The following SLC30A2 variants were observed in gnomAD, a reference collection of about 807,000 sequenced individuals.
SLC30A2 encodes solute carrier family 30 member 2, also known as proton-coupled zinc antiporter SLC30A2.
SLC30A2 carries 19 observed loss-of-function variants against 39.6 expected under a neutral mutation model. The ratio of observed to expected loss-of-function variants is 0.48; its 90% CI spans 0.34 to 0.70. SLC30A2 has a LOEUF of 0.70. Ranked by LOEUF, SLC30A2 falls within the 30% of genes least tolerant of loss-of-function variation. The pLI is 0.01. For synonymous variants in SLC30A2, 195 were observed against 194.8 expected, an observed-to-expected ratio of 1.00 and a Z score of -0.01; for missense variants, 387 against 479.4, an observed-to-expected ratio of 0.81 and a Z score of 1.80.
Position 26,039,345 on chromosome 1 carries a change from C to G in SLC30A2, c.974-40G>C. 6.5e-7 allele frequency: 1 copy of G among 1,544,654 alleles called. No individual in the cohort carries two copies. The highest frequency in any genetic ancestry group is 8.9e-7 in the Non-Finnish European group (1 of 1,120,506). The stretch of plus-strand genomic sequence containing the variant: ...GACACAGCGGGGGAAGCCATTTACT[C>G]TGGCCCTTTGGAACCATCAGGAGCC... On this transcript the variant is annotated intron_variant, in intron 7 of 7. Coordinates refer to ENST00000374276, the MANE Select transcript of SLC30A2 (RefSeq NM_001004434.3). The surrounding 1 kb of genome is among the most constrained non-coding windows in gnomAD (Gnocchi z 4.3).
intron 6 of SLC30A2, 98 bp downstream of exon 6, chr1:26,041,602 C>A (rs2050398084): frequency 2.7e-6 from 2 of 746,230 alleles, no homozygotes; most frequent in Non-Finnish European, 4.6e-6. Context: ...TGGCTCCCCG[C>A]CCATGTGCTA....
chr1:26,042,093 G>A (rs760767357), intron 5 of SLC30A2, among the ~76,000 whole-genome samples: 7 of 152,190 alleles, frequency 4.6e-5, no homozygotes, highest in African/African-American at 1.7e-4. Context: ...TCCGCCATCC[G>A]TCCCCATTTG....
At chr1:26,041,462 G>A (rs1186110210) in intron 6 of SLC30A2, among the ~76,000 whole-genome samples, 2 of 152,188 alleles carry the variant, frequency 1.3e-5, no homozygotes, top group Non-Finnish European at 2.9e-5. Context: ...ACCCTTAGGG[G>A]TAGGGGGAAG....
At chr1:26,041,606 T>C (rs1569699309) in intron 6 of SLC30A2, 94 bp downstream of exon 6, 1 of 765,164 alleles carries the variant, frequency 1.3e-6, no homozygotes, top group South Asian at 1.6e-5. Context: ...TCCCCGCCCA[T>C]GTGCTAGGAT....
chr1:26,040,214 A>G (rs1050713304), intron 6 of SLC30A2, among the ~76,000 whole-genome samples: 1 of 152,080 alleles, frequency 6.6e-6, no homozygotes, highest in Non-Finnish European at 1.5e-5. Flanking sequence ...GGTGCCTAAA[A>G]CAGCACCTAC....
Position 26,037,539 on chromosome 1 carries a change from C to A in SLC30A2, c.*1621G>T, listed in dbSNP as rs2050353832. ...ATGAGCCACCGTGCCCAGCCAATGA[C>A]TGTCTCTTGAGAGGGGTGTAAGGAC... On this transcript the variant is annotated 3_prime_UTR_variant, in exon 8 of 8. Coordinates refer to ENST00000374276, the MANE Select transcript of SLC30A2 (RefSeq NM_001004434.3). The A allele has an allele frequency of 6.6e-6, 1 of 151,764 alleles. No individual in the cohort carries two copies. Among genetic ancestry groups the A allele is most frequent in the Non-Finnish European group, 1.5e-5 (1 of 68,032 alleles). 9.4% of individuals were successfully genotyped at this position (151,764 alleles called of 1,614,324 possible).
chr1:26,043,412 C>T lies in SLC30A2; in HGVS notation c.558G>A (p.Val186=), dbSNP rs752046088. 2 of 1,613,946 alleles carry T rather than the reference C, an allele frequency of 1.2e-6. No individual in the cohort carries two copies. The highest frequency in any genetic ancestry group is 8.5e-7 in the Non-Finnish European group (1 of 1,179,860). The change falls in exon 4 of 8, where the codon GTG becomes GTA. Residue 186 remains valine, a synonymous_variant. Transcript: ENST00000374276. ...GCCCCACTCACATGATGTTCACAGC[C>T]ACAGCGCAGCCCGACGTGATCAGCA... The part of the protein sequence containing the change: ...GTMLITSGCA[V]AVNIIMGLTL...
Position 26,038,539 on chromosome 1 carries a change from T to TCCTC in SLC30A2, c.*620_*621insGAGG, listed in dbSNP as rs2050363967. The TCCTC allele has an allele frequency of 6.6e-6, 1 of 152,280 alleles. No individual in the cohort carries two copies. The highest frequency in any genetic ancestry group is 2.4e-5 in the African/African-American group (1 of 41,466). 9.4% of individuals were successfully genotyped at this position (152,280 alleles called of 1,614,324 possible). On this transcript the variant is annotated 3_prime_UTR_variant, in exon 8 of 8. Transcript: ENST00000374276. ...CCTGTGCCAAAGTTGTTTTTTGTGT[T>TCCTC]GGCACAGCTGAGGAAATAAGGAAAG... is the stretch of plus-strand genomic sequence containing the variant.
chr1:26,041,278 C>T (rs1007481189), intron 6 of SLC30A2, among the ~76,000 whole-genome samples: 3 of 152,160 alleles, frequency 2.0e-5, no homozygotes, highest in African/African-American at 7.2e-5. Flanking sequence ...CCAAGGCTGA[C>T]TGTCCTTCTC....
chr1:26,044,498 G>A, intron 2 of SLC30A2, 54 bp from the exon 3 acceptor site: 1 of 1,567,116 alleles, frequency 6.4e-7, no homozygotes, highest in Non-Finnish European at 8.7e-7. Context: ...TCCCAAGACT[G>A]TGTGTGCAGC....
In SLC30A2 at chr1:26,046,090, G is replaced by A. The variant is rs2050461614; in HGVS notation, c.-194C>T. 1 of 1,308,528 alleles carries A rather than the reference G, an allele frequency of 7.6e-7. No homozygotes were observed. The highest frequency in any genetic ancestry group is 9.7e-7 in the Non-Finnish European group (1 of 1,034,948). The allele number at this position is 1,308,528 out of a possible 1,614,324, so 81.1% of individuals were successfully genotyped here. A position where few individuals can be genotyped will look rare whatever the true frequency, so the allele number is the denominator to read the frequency against. On this transcript the variant is annotated 5_prime_UTR_variant, in exon 1 of 8. Transcript: ENST00000374276. The surrounding 1 kb of genome is among the most constrained non-coding windows in gnomAD (Gnocchi z 4.4). ...CGGCTGCAGCTCCGGCTCTGGCTCC[G>A]CGTGCCAAGCGCTCCCGTGTCTCGG...
At position 26,045,040 on chromosome 1, in the gene SLC30A2, T is replaced by C. The variant is rs1351329943; in HGVS notation, c.228A>G (p.Val76=). The part of the protein sequence containing the change: ...KKGKAQRQLY[V]ASAICLLFMI... ...TGAACAACAGGCAGATGGCAGAGGCTACATACAGCTGGCGCTGGGCCTTCC... is the reference window on the plus strand; with the variant it reads ...TGAACAACAGGCAGATGGCAGAGGCCACATACAGCTGGCGCTGGGCCTTCC... The change falls in exon 2 of 8, where the codon GTA becomes GTG. Residue 76 remains valine, a synonymous_variant. Transcript: ENST00000374276. 10 of 1,614,130 alleles carry C rather than the reference T, an allele frequency of 6.2e-6. No individual in the cohort carries two copies. Among genetic ancestry groups the C allele is most frequent in the Non-Finnish European group, 8.5e-6 (10 of 1,180,056 alleles).
At chr1:26,042,797 T>C in intron 4 of SLC30A2, 89 bp from the exon 5 acceptor site, 1 of 1,258,074 alleles carries the variant, frequency 7.9e-7, no homozygotes. Flanking sequence ...GGCAAAAATC[T>C]CAAGCCCCTA....
At chr1:26,044,903 G>T in intron 2 of SLC30A2, 94 bp downstream of exon 2, 1 of 968,386 alleles carries the variant, frequency 1.0e-6, no homozygotes, top group Non-Finnish European at 1.7e-6. Flanking sequence ...ACTGTAGTGT[G>T]TGTTCAGTAA....
In SLC30A2 at chr1:26,039,784, G is replaced by A. The variant is rs35020821; in HGVS notation, c.966C>T (p.Ile322=). The A allele has an allele frequency of 1.4e-4, 227 of 1,613,856 alleles. No homozygotes were observed. The African/African-American group carries it at 2.3e-3, about 16-fold the overall frequency. ...AGTGTCCCAAGCACTCACCAATGGC[G>A]ATGTGGACAGACAGAACAGGCTGGG... ...TVAQPVLSVH[I]AIAQNTDAQA... Residue 322 remains isoleucine, a synonymous_variant, in exon 7 of 8, where the codon ATC becomes ATT. Coordinates refer to ENST00000374276, the MANE Select transcript of SLC30A2 (RefSeq NM_001004434.3). The surrounding 1 kb of genome is among the most constrained non-coding windows in gnomAD (Gnocchi z 4.3).
chr1:26,040,501 G>A (rs2050383951), intron 6 of SLC30A2, among the ~76,000 whole-genome samples: 1 of 151,994 alleles, frequency 6.6e-6, no homozygotes, highest in East Asian at 1.9e-4. Context: ...TGCCTGCCTC[G>A]GCCTCCCACA....
chr1:26,046,017 C>G lies in SLC30A2; in HGVS notation c.-121G>C. The G allele has an allele frequency of 7.1e-6, 10 of 1,408,834 alleles. No individual in the cohort carries two copies. Among genetic ancestry groups the G allele is most frequent in the Non-Finnish European group, 8.2e-6 (9 of 1,092,552 alleles). The allele number at this position is 1,408,834 out of a possible 1,614,324, so 87.3% of individuals were successfully genotyped here. A position where few individuals can be genotyped will look rare whatever the true frequency, so the allele number is the denominator to read the frequency against. On this transcript the variant is annotated 5_prime_UTR_variant, in exon 1 of 8. Coordinates refer to ENST00000374276, the MANE Select transcript of SLC30A2 (RefSeq NM_001004434.3). The surrounding 1 kb of genome is among the most constrained non-coding windows in gnomAD (Gnocchi z 4.4). ...CCCCGAGGGCCCCGCGAGGTGCGCT[C>G]ACTCCGGCCCGGCTCCTGCGGCCCC...
chr1:26,044,170 A>C, intron 3 of SLC30A2, 128 bp downstream of exon 3: 1 of 974,482 alleles, frequency 1.0e-6, no homozygotes, highest in Non-Finnish European at 1.6e-6. Context: ...CTCTTCCCCC[A>C]TCCAGATCAC....
chr1:26,043,193 C>T (rs1193521918), intron 4 of SLC30A2, among the ~76,000 whole-genome samples: 1 of 152,190 alleles, frequency 6.6e-6, no homozygotes, highest in Non-Finnish European at 1.5e-5. Context: ...GATGAAGACT[C>T]CGATTTACAG....
Sources: allele counts gnomAD v4.1 joint callset (sites outside exome capture counted in the v4.1 genomes callset), GRCh38; gene constraint gnomAD v4.1.1; non-coding constraint Gnocchi (gnomAD v3.1); transcripts MANE v1.5; gene names NCBI Gene and HGNC (gene_info 2026-07-23, HGNC 2026-07-21).